Variants in EPB41L3 observed in about 807,000 individuals in gnomAD.
The protein encoded by EPB41L3 is erythrocyte membrane protein band 4.1 like 3, also known as band 4.1-like protein 3.
A neutral mutation model predicts 127.1 loss-of-function variants in EPB41L3; 57 were observed. That is an observed-to-expected ratio of 0.45 (90% CI 0.36 to 0.56). EPB41L3 has a LOEUF of 0.56. Ranked by LOEUF, EPB41L3 falls within the 20% of genes least tolerant of loss-of-function variation. EPB41L3 has a pLI of 0.00. For missense variants in EPB41L3, 1,273 were observed against 1,372.2 expected (o/e 0.93, Z 1.14); for synonymous variants, 572 against 549.5 (o/e 1.04, Z -0.57).
chr18:5,507,110 C>T (rs950587811), intron 1 of EPB41L3, among the ~76,000 whole-genome samples: 2 of 152,104 alleles, frequency 1.3e-5, no homozygotes, highest in African/African-American at 4.8e-5. Flanking sequence ...AATGACCCAT[C>T]CATCCTAAAT....
intron 3 of EPB41L3, among the ~76,000 whole-genome samples, chr18:5,602,800 C>A (rs551876991): frequency 6.6e-6 from 1 of 152,238 alleles, no homozygotes; most frequent in Non-Finnish European, 1.5e-5. Flanking sequence ...GGATAGGTAA[C>A]CGATGTTTAA....
In EPB41L3 at chr18:5,543,077, G is replaced by A. The variant is rs2093783592; in HGVS notation, c.-12+836C>T. ...GGCGCCAGGTGAGTCGCGCCGCCCC[G>A]AGCCCCCGGGCCACGGCAGGCCGAC... On this transcript the variant is annotated intron_variant, in intron 1 of 22. Coordinates refer to ENST00000341928, the MANE Select transcript of EPB41L3 (RefSeq NM_012307.5). This position sits in a 1 kb window ranked among gnomAD's most constrained non-coding sequence, Gnocchi z 5.2. 6.6e-6 allele frequency among the ~76,000 whole-genome samples: 1 copy of A among 151,650 alleles called. No individual in the cohort carries two copies. The highest frequency in any genetic ancestry group is 6.6e-5 in the Admixed American group (1 of 15,238).
chr18:5,407,661 TTTG>T (rs754757302), intron 15 of EPB41L3, 37 bp downstream of exon 15: 58 of 1,597,862 alleles, frequency 3.6e-5, no homozygotes, highest in East Asian at 8.9e-5. Context: ...ACACTGTTGT[TTTG>T]TTGTTGTTGT....
intron 1 of EPB41L3, among the ~76,000 whole-genome samples, chr18:5,498,292 C>G (rs1163722071): frequency 6.6e-6 from 1 of 152,100 alleles, no homozygotes; most frequent in Admixed American, 6.6e-5. Flanking sequence ...TGTTCCCTAT[C>G]ATTAAAATGG....
chr18:5,407,111 A>G, intron 15 of EPB41L3, 143 bp from the exon 16 acceptor site: 1 of 665,024 alleles, frequency 1.5e-6, no homozygotes, highest in South Asian at 2.1e-5. Context: ...TGGCACTACC[A>G]CAAACACTCT....
At chr18:5,575,533 C>A (rs888838892) in intron 3 of EPB41L3, among the ~76,000 whole-genome samples, 3 of 152,078 alleles carry the variant, frequency 2.0e-5, no homozygotes, top group Non-Finnish European at 4.4e-5. Context: ...TGAGGCCTCA[C>A]CAGAAGAAAA....
chr18:5,553,205 A>G (rs942542682), intron 3 of EPB41L3, among the ~76,000 whole-genome samples: 6 of 152,254 alleles, frequency 3.9e-5, no homozygotes, highest in Non-Finnish European at 8.8e-5. Context: ...TAATAAAATT[A>G]TAATTATTAT....
Position 5,561,135 on chromosome 18 carries a change from G to A in EPB41L3, c.-306+51205C>T, listed in dbSNP as rs191059268. ...TGGGACTACAGGCGCCCGCCACTAC[G>A]CCCGGCTAATGTCTTGTATTTTCAG... On this transcript the variant is annotated intron_variant, in intron 3 of 21. Transcript: ENST00000545076. Among the ~76,000 whole-genome samples the A allele has an allele frequency of 5.0e-3, 748 of 150,758 alleles. 35 individuals are homozygous for A. Among genetic ancestry groups the A allele is most frequent in the Non-Finnish European group, 6.8e-3 (458 of 67,592 alleles).
chr18:5,495,783 G>T (rs1950202034), intron 1 of EPB41L3, among the ~76,000 whole-genome samples: 1 of 152,212 alleles, frequency 6.6e-6, no homozygotes, highest in South Asian at 2.1e-4. Context: ...CATATGCTCT[G>T]TGACCTTAAC....
chr18:5,432,619 A>G (rs1421088144), intron 8 of EPB41L3, among the ~76,000 whole-genome samples: 4 of 152,210 alleles, frequency 2.6e-5, no homozygotes, highest in African/African-American at 4.8e-5. Flanking sequence ...CTGTTTAAAA[A>G]GACTAGTAGT....
At chr18:5,511,020 G>A (rs909467152) in intron 1 of EPB41L3, among the ~76,000 whole-genome samples, 1 of 151,982 alleles carries the variant, frequency 6.6e-6, no homozygotes, top group Non-Finnish European at 1.5e-5. Flanking sequence ...TTATTCAAGT[G>A]GGAAATAACT....
At chr18:5,630,475 G>A (rs746871808), upstream of EPB41L3, 2 of 518,932 alleles carry the variant, frequency 3.9e-6, no homozygotes, top group Non-Finnish European at 7.7e-6. Context: ...CAAGGGCAGA[G>A]AGAGGTAGGG....
At chr18:5,575,497 G>C (rs898106647) in intron 3 of EPB41L3, among the ~76,000 whole-genome samples, 2 of 151,892 alleles carry the variant, frequency 1.3e-5, no homozygotes, top group Non-Finnish European at 2.9e-5. Flanking sequence ...CACCCTCTTC[G>C]ACTTCCTCCA....
At chr18:5,629,053 G>A (rs2094957267), upstream of EPB41L3, 1 of 152,292 alleles carries the variant, frequency 6.6e-6, no homozygotes, top group African/African-American at 2.4e-5. Flanking sequence ...GCTCTCTCTG[G>A]AGCGCGGGCC....
chr18:5,393,529 T>G (rs2072734400), intron 22 of EPB41L3, 51 bp from the exon 23 acceptor site: 1 of 699,530 alleles, frequency 1.4e-6, no homozygotes, highest in Non-Finnish European at 2.6e-6. Context: ...ACTGAAAGAT[T>G]TTCTCAGATC....
At chr18:5,608,293 C>A (rs1054689933) in intron 3 of EPB41L3, among the ~76,000 whole-genome samples, 1 of 152,010 alleles carries the variant, frequency 6.6e-6, no homozygotes, top group Non-Finnish European at 1.5e-5. Context: ...GAAAGCAATC[C>A]CTTACTGACC....
chr18:5,503,544 T>G (rs959174778), intron 1 of EPB41L3, among the ~76,000 whole-genome samples: 4 of 152,214 alleles, frequency 2.6e-5, no homozygotes, highest in African/African-American at 9.6e-5. Flanking sequence ...ATGAGAGTGG[T>G]GAGATCGCAT....
intron 3 of EPB41L3, among the ~76,000 whole-genome samples, chr18:5,460,728 C>T (rs2083854796): frequency 6.6e-6 from 1 of 152,194 alleles, no homozygotes; most frequent in African/African-American, 2.4e-5. Flanking sequence ...AAACTCACTT[C>T]TTTTCACCTA....
chr18:5,445,444 A>T (rs2081336314), intron 3 of EPB41L3, among the ~76,000 whole-genome samples, 200 bp from the exon 4 acceptor site: 1 of 152,226 alleles, frequency 6.6e-6, no homozygotes, highest in South Asian at 2.1e-4. Flanking sequence ...GCTTCAACCT[A>T]CAAAAGCCCA....
Sources: allele counts gnomAD v4.1 joint callset (sites outside exome capture counted in the v4.1 genomes callset), GRCh38; gene constraint gnomAD v4.1.1; non-coding constraint Gnocchi (gnomAD v3.1); transcripts MANE v1.5; gene names NCBI Gene and HGNC (gene_info 2026-07-23, HGNC 2026-07-21).